The following FTO variants were observed in gnomAD, a reference collection of about 807,000 sequenced individuals.
FTO encodes the protein FTO alpha-ketoglutarate dependent dioxygenase.
Under a neutral mutation model 63.9 loss-of-function variants are expected in FTO, and 47 were observed. The observed-to-expected ratio is 0.74, with a 90% CI of 0.58 to 0.94. The LOEUF (loss-of-function observed/expected upper bound fraction) is 0.94. FTO is among the 40% of genes least tolerant of loss of function. The pLI, the probability that FTO is intolerant of heterozygous loss-of-function variation, is 0.00. For missense variants in FTO, 562 were observed against 618.1 expected (o/e 0.91, Z 0.96); for synonymous variants, 207 against 224.4 (o/e 0.92, Z 0.69).
intron 8 of FTO, among the ~76,000 whole-genome samples, chr16:54,038,222 T>C (rs552062824): frequency 2.9e-4 from 44 of 152,266 alleles, no homozygotes; most frequent in Non-Finnish European, 5.6e-4. Context: ...TTTTCAAGCA[T>C]GAGTAGAGTC....
chr16:54,066,000 A>G (rs1243540867), intron 8 of FTO, among the ~76,000 whole-genome samples: 1 of 152,186 alleles, frequency 6.6e-6, no homozygotes, highest in East Asian at 1.9e-4. Context: ...ACTAACTTAT[A>G]CAGCAGAGCT....
chr16:54,030,956 A>G lies in FTO; in HGVS notation c.1365-80806A>G, dbSNP rs921196559. ...CCTTAAAATATTAAGAAACTGAAGT[A>G]TTATTCCATAAGAATGCCTTTCAAT... On this transcript the variant is annotated intron_variant, in intron 8 of 8. Coordinates refer to ENST00000471389, the MANE Select transcript of FTO (RefSeq NM_001080432.3). Among the ~76,000 whole-genome samples, 5 of 152,344 alleles carry G rather than the reference A, an allele frequency of 3.3e-5. 2 individuals carry two copies. Among genetic ancestry groups the G allele is most frequent in the Admixed American group, 3.3e-4 (5 of 15,300 alleles).
intron 8 of FTO, among the ~76,000 whole-genome samples, chr16:53,969,892 G>A (rs1287333453): frequency 6.6e-6 from 1 of 152,164 alleles, no homozygotes; most frequent in Non-Finnish European, 1.5e-5. Flanking sequence ...GTGAACTGCT[G>A]CCTAAAAGTG....
intron 3 of FTO, 94 bp from the exon 4 acceptor site, chr16:53,844,061 A>G (rs1409402140): frequency 1.0e-6 from 1 of 952,490 alleles, no homozygotes; most frequent in African/African-American, 1.6e-5. Context: ...TTCATATTTT[A>G]TTAAAATATC....
At chr16:53,815,633 C>CTTTTTTTTTT (rs2078653863) in intron 2 of FTO, among the ~76,000 whole-genome samples, 1 of 80,144 alleles carries the variant, frequency 1.2e-5, no homozygotes, top group African/African-American at 6.3e-5. Flanking sequence ...CATTGACTTT[C>CTTTTTTTTTT]TTGTTTTTTT....
At chr16:53,722,213 G>A (rs984411217) in intron 1 of FTO, among the ~76,000 whole-genome samples, 6 of 152,116 alleles carry the variant, frequency 3.9e-5, no homozygotes, top group Non-Finnish European at 5.9e-5. Context: ...GTATGGTACC[G>A]TATGTGGTTG....
At chr16:53,841,922 G>T (rs527394393) in intron 3 of FTO, among the ~76,000 whole-genome samples, 1 of 152,124 alleles carries the variant, frequency 6.6e-6, no homozygotes, top group African/African-American at 2.4e-5. Context: ...TAGTTCTGTC[G>T]TTGAACCTCT....
chr16:54,030,017 T>C (rs1360781512), intron 8 of FTO, among the ~76,000 whole-genome samples: 1 of 152,224 alleles, frequency 6.6e-6, no homozygotes, highest in African/African-American at 2.4e-5. Context: ...ATATTTCAGG[T>C]AACCAGTTAA....
rs574368246 is a variant in FTO at position 53,961,232 on chromosome 16, C to T, written c.1364+27123C>T. Among the ~76,000 whole-genome samples, 11 of 152,200 alleles carry T rather than the reference C, an allele frequency of 7.2e-5. No individual in the cohort carries two copies. The East Asian group carries it at 1.2e-3, about 16-fold the overall frequency. Reference sequence around the variant, plus strand: ...GTTTATAGTCCACTGCTTACAGCCCCCAGATAGAGTTATAGCGAGCAGACC... The same window carrying T: ...GTTTATAGTCCACTGCTTACAGCCCTCAGATAGAGTTATAGCGAGCAGACC... On this transcript the variant is annotated intron_variant, in intron 8 of 8. Coordinates refer to ENST00000471389, the MANE Select transcript of FTO (RefSeq NM_001080432.3).
chr16:54,111,741 T>A, intron 8 of FTO, 21 bp from the exon 9 acceptor site: 1 of 1,614,098 alleles, frequency 6.2e-7, no homozygotes, highest in South Asian at 1.1e-5. Context: ...GTGGATTAAT[T>A]TCCTATTTTT....
chr16:53,799,549 G>C (rs1029080526), intron 1 of FTO, among the ~76,000 whole-genome samples: 2 of 152,120 alleles, frequency 1.3e-5, no homozygotes, highest in Admixed American at 6.5e-5. Context: ...AGTGGGGACT[G>C]TGTCTGTTCT....
chr16:53,844,291 C>T lies in FTO; in HGVS notation c.888C>T (p.Phe296=), dbSNP rs1348354531. ...CCCTTCACCAAGGAGACTGCTATTT[C>T]ATGCTTGGTAATCTTTGGAAAATCA... is the stretch of plus-strand genomic sequence containing the variant. ...AIPLHQGDCY[F]MLDDLNATHQ... is the part of the protein sequence containing the mutation. Residue 296 remains phenylalanine, a synonymous_variant, in exon 4 of 9, where the codon TTC becomes TTT. Transcript: ENST00000471389. 2.5e-6 allele frequency: 4 copies of T among 1,612,486 alleles called. No individual in the cohort carries two copies. The highest frequency in any genetic ancestry group is 3.4e-6 in the Non-Finnish European group (4 of 1,178,580).
chr16:53,963,340 G>A (rs1189374628), intron 8 of FTO, among the ~76,000 whole-genome samples: 1 of 152,120 alleles, frequency 6.6e-6, no homozygotes, highest in East Asian at 1.9e-4. Flanking sequence ...TATTGTTGGG[G>A]CCTAGATTGA....
At chr16:53,990,069 C>T (rs553917468) in intron 8 of FTO, among the ~76,000 whole-genome samples, 91 of 152,056 alleles carry the variant, frequency 6.0e-4, no homozygotes, top group African/African-American at 2.0e-3. Context: ...GTAAGGCTGC[C>T]GGTCAACAGC....
rs1219801625 is a variant in FTO at position 53,961,858 on chromosome 16, G to A, written c.1364+27749G>A. On this transcript the variant is annotated intron_variant, in intron 8 of 8. Transcript: ENST00000471389. The stretch of plus-strand genomic sequence containing the variant: ...AAGTCTCTGGCACAGTATACGCTTA[G>A]GTAAGTGGGCAGTGTGAAATAAGAC... Among the ~76,000 whole-genome samples, 3 of 152,282 alleles carry A rather than the reference G, an allele frequency of 2.0e-5. No individual in the cohort carries two copies. In the East Asian group the frequency reaches 5.8e-4, roughly 29 times the overall value.
intron 8 of FTO, among the ~76,000 whole-genome samples, chr16:53,969,539 G>A (rs995545777): frequency 1.4e-4 from 22 of 152,160 alleles, no homozygotes; most frequent in African/African-American, 5.3e-4. Context: ...AATATATACT[G>A]TCATTGGTAG....
chr16:54,083,420 T>G (rs1451208886), intron 8 of FTO, among the ~76,000 whole-genome samples: 2 of 152,220 alleles, frequency 1.3e-5, no homozygotes, highest in African/African-American at 4.8e-5. Context: ...AGCTTCAGGT[T>G]TTCTGGTCTC....
intron 2 of FTO, 53 bp downstream of exon 2, chr16:53,810,270 T>C: frequency 3.2e-6 from 4 of 1,269,448 alleles, no homozygotes; most frequent in Non-Finnish European, 4.6e-6. Context: ...TGATCAACCT[T>C]ATTTTACCTA....
intron 1 of FTO, among the ~76,000 whole-genome samples, chr16:53,797,058 G>A (rs1567994887): frequency 6.6e-6 from 1 of 152,058 alleles, no homozygotes; most frequent in Admixed American, 6.6e-5. Context: ...TTTTGCACTC[G>A]CTCTCTCTTT....
Sources: gnomAD v4.1 joint callset for allele counts (sites outside exome capture counted in the v4.1 genomes callset) on GRCh38, gnomAD v4.1.1 for gene constraint, MANE v1.5 for transcripts, NCBI Gene and HGNC (gene_info 2026-07-23, HGNC 2026-07-21) for gene names.